Variants in DKK2 observed in about 807,000 individuals in gnomAD.
DKK2 encodes dickkopf-related protein 2.
Under a neutral mutation model 28.1 loss-of-function variants are expected in DKK2, and 11 were observed. That is an observed-to-expected ratio of 0.39 (90% CI 0.25 to 0.65). The LOEUF (loss-of-function observed/expected upper bound fraction) is 0.65. DKK2 is among the 30% of genes least tolerant of loss of function. The pLI is 0.47. For synonymous variants in DKK2, 135 were observed against 126.5 expected, an observed-to-expected ratio of 1.07 and a Z score of -0.45; for missense variants, 326 against 335.5, an observed-to-expected ratio of 0.97 and a Z score of 0.22.
Position 107,035,549 on chromosome 4 carries a change from G to A in DKK2, c.43C>T (p.Leu15Phe), listed in dbSNP as rs1189734000. The A allele has an allele frequency of 4.3e-6, 7 of 1,614,210 alleles. No homozygotes were observed. In the Admixed American group the frequency reaches 5.0e-5, roughly 12 times the overall value. ...ACCATCAGCACCGCGGCCAGTAGGA[G>A]CAGGCAGCAGGACGAATCCTTGCTC... is the stretch of plus-strand genomic sequence containing the variant. ...MRSKDSSCCL[L>F]LLAAVLMVES... is the part of the protein sequence containing the mutation. The change falls in exon 1 of 4, where the codon CTC (leucine) becomes TTC (phenylalanine). Residue 15 changes from leucine to phenylalanine, a missense_variant. Transcript: ENST00000285311.
chr4:106,982,922 G>A (rs1357412569), intron 1 of DKK2, among the ~76,000 whole-genome samples: 2 of 147,424 alleles, frequency 1.4e-5, no homozygotes, highest in Non-Finnish European at 3.0e-5. Context: ...TATACATTGG[G>A]GAGGGAAAGA....
intron 1 of DKK2, among the ~76,000 whole-genome samples, chr4:107,006,876 C>A (rs1723444973): frequency 6.6e-6 from 1 of 152,164 alleles, no homozygotes; most frequent in Non-Finnish European, 1.5e-5. Flanking sequence ...AAAAGGAAAT[C>A]TTAACCTACC....
chr4:106,945,518 A>G lies in DKK2; in HGVS notation c.223-19569T>C, dbSNP rs145193947. Among the ~76,000 whole-genome samples, 321 of 152,246 alleles carry G rather than the reference A, an allele frequency of 2.1e-3. 2 individuals are homozygous for G. The highest frequency in any genetic ancestry group is 0.02 in the East Asian group (106 of 5,172). On this transcript the variant is annotated intron_variant, in intron 1 of 3. Transcript: ENST00000285311. Reference sequence around the variant, plus strand: ...CTTCAAATTAATGAATTTCCTAAGTATTAACAAACCACTTCTCTTTTGCAA... The same window carrying G: ...CTTCAAATTAATGAATTTCCTAAGTGTTAACAAACCACTTCTCTTTTGCAA...
At chr4:106,975,397 T>G (rs891479591) in intron 1 of DKK2, among the ~76,000 whole-genome samples, 1 of 152,194 alleles carries the variant, frequency 6.6e-6, no homozygotes, top group African/African-American at 2.4e-5. Flanking sequence ...TGCTAGGCTA[T>G]TAAATACTGC....
chr4:106,980,399 A>G (rs1723010874), intron 1 of DKK2, among the ~76,000 whole-genome samples: 1 of 152,168 alleles, frequency 6.6e-6, no homozygotes, highest in African/African-American at 2.4e-5. Context: ...TTCTAAACTT[A>G]ATTATGCTTC....
At chr4:106,977,760 C>T (rs1419364606) in intron 1 of DKK2, among the ~76,000 whole-genome samples, 15 of 152,132 alleles carry the variant, frequency 9.9e-5, no homozygotes, top group African/African-American at 2.4e-4. Flanking sequence ...ACTCATTCTC[C>T]GTCCAGTTTT....
At chr4:106,946,719 T>C (rs1724781807) in intron 1 of DKK2, among the ~76,000 whole-genome samples, 1 of 151,988 alleles carries the variant, frequency 6.6e-6, no homozygotes, top group Non-Finnish European at 1.5e-5. Context: ...CAACCTCTGA[T>C]GCGGTTGTTA....
chr4:107,025,983 G>T (rs1362701668), intron 1 of DKK2, among the ~76,000 whole-genome samples: 1 of 152,202 alleles, frequency 6.6e-6, no homozygotes, highest in African/African-American at 2.4e-5. Flanking sequence ...GTCAGAGGAT[G>T]CAAGTTCCAG....
chr4:106,948,616 T>G (rs149232829), intron 1 of DKK2, among the ~76,000 whole-genome samples: 1 of 152,298 alleles, frequency 6.6e-6, no homozygotes, highest in Non-Finnish European at 1.5e-5. Context: ...AAGACCCTTT[T>G]ACTTAGCTAG....
At chr4:106,978,599 C>T (rs62314192) in intron 1 of DKK2, among the ~76,000 whole-genome samples, 1,986 of 152,162 alleles carry the variant, frequency 0.013, 12 homozygotes, top group Non-Finnish European at 0.02. Flanking sequence ...CCCCACCAAG[C>T]TCAAGCATAC....
chr4:107,033,986 C>G (rs1199154850), intron 1 of DKK2, among the ~76,000 whole-genome samples: 2 of 152,092 alleles, frequency 1.3e-5, no homozygotes, highest in African/African-American at 4.8e-5. Flanking sequence ...TTTCCTGAGA[C>G]CTTAAAAAAA....
At chr4:106,985,186 G>A (rs1243949383) in intron 1 of DKK2, among the ~76,000 whole-genome samples, 4 of 147,774 alleles carry the variant, frequency 2.7e-5, no homozygotes, top group African/African-American at 1.0e-4. Context: ...TCCAGCCTAG[G>A]CGACAGAGCG....
intron 1 of DKK2, among the ~76,000 whole-genome samples, chr4:106,979,076 TG>T (rs1246948325): frequency 2.2e-5 from 3 of 137,684 alleles, no homozygotes; most frequent in South Asian, 2.5e-4. Flanking sequence ...TTTTTGTTTT[TG>T]TTTTTTTTTC....
In DKK2 at chr4:106,991,988, T is replaced by C. The variant is rs1036624592; in HGVS notation, c.222+43382A>G. 2.0e-5 allele frequency among the ~76,000 whole-genome samples: 3 copies of C among 152,160 alleles called. No individual in the cohort carries two copies. The East Asian group carries it at 5.8e-4, about 29-fold the overall frequency. ...CCATTTTAACATTAAACTCTAAAAA[T>C]AATCCCACGAATCCAGAAAGGTGAT... is the stretch of plus-strand genomic sequence containing the variant. On this transcript the variant is annotated intron_variant, in intron 1 of 3. Transcript: ENST00000285311.
rs771657399 is a variant in DKK2, at chr4:106,924,588, C to G, written c.486G>C (p.Trp162Cys). Residue 162 changes from tryptophan to cysteine, a missense_variant, in exon 3 of 4, where the codon TGG becomes TGC. By Grantham distance (215) the Trp-to-Cys change is radical (BLOSUM62 -2). Coordinates refer to ENST00000285311, the MANE Select transcript of DKK2 (RefSeq NM_014421.3). ...TAGTGTGTGGTCTTCCTAGATTCTGCCATCCCAAGTCATGGTTTGAGTAAT... is the reference window on the plus strand; with the variant it reads ...TAGTGTGTGGTCTTCCTAGATTCTGGCATCCCAAGTCATGGTTTGAGTAAT... Reference protein sequence around the residue: ...HGHYSNHDLGWQNLGRPHTKM... With the variant: ...HGHYSNHDLGCQNLGRPHTKM... 3 of 1,613,890 alleles carry G rather than the reference C, an allele frequency of 1.9e-6. No individual in the cohort carries two copies. Among genetic ancestry groups the G allele is most frequent in the Non-Finnish European group, 2.5e-6 (3 of 1,179,844 alleles).
At chr4:106,973,934 G>A (rs187747629) in intron 1 of DKK2, among the ~76,000 whole-genome samples, 17 of 152,066 alleles carry the variant, frequency 1.1e-4, no homozygotes, top group East Asian at 3.9e-4. Context: ...GAAGGGGTCC[G>A]GTTTCAGTTT....
intron 1 of DKK2, among the ~76,000 whole-genome samples, chr4:107,000,182 T>TA (rs1201550454): frequency 2.0e-5 from 3 of 152,196 alleles, no homozygotes; most frequent in Non-Finnish European, 4.4e-5. Context: ...TCTCATTTTT[T>TA]AAAAAAGTCT....
chr4:107,025,211 G>T (rs1396889370), intron 1 of DKK2, among the ~76,000 whole-genome samples: 1 of 152,160 alleles, frequency 6.6e-6, no homozygotes, highest in Non-Finnish European at 1.5e-5. Flanking sequence ...CTGAGACAGT[G>T]TCTTCCTAAA....
At chr4:106,957,612 A>G (rs1377489337) in intron 1 of DKK2, among the ~76,000 whole-genome samples, 1 of 151,558 alleles carries the variant, frequency 6.6e-6, no homozygotes, top group Non-Finnish European at 1.5e-5. Flanking sequence ...AAGGACATGG[A>G]TGAAATTGGA....
Sources: gnomAD v4.1 joint callset for allele counts (sites outside exome capture counted in the v4.1 genomes callset) on GRCh38, gnomAD v4.1.1 for gene constraint, MANE v1.5 for transcripts, NCBI Gene and HGNC (gene_info 2026-07-23, HGNC 2026-07-21) for gene names.